The following UNK variants were observed in gnomAD, a reference collection of about 807,000 sequenced individuals.
UNK encodes RING finger protein unkempt homolog.
UNK carries 32 observed loss-of-function variants against 97.6 expected under a neutral mutation model. That is an observed-to-expected ratio of 0.33 (90% CI 0.25 to 0.44). UNK has a LOEUF of 0.44. Among genes scored for constraint, UNK ranks in the 20% least tolerant of loss-of-function variants. The probability of loss-of-function intolerance (pLI) is 1.00; values close to 1 mark genes in which losing one functional copy is unlikely to be tolerated. For synonymous variants in UNK, 441 were observed against 461.2 expected (o/e 0.96, Z 0.56); for missense variants, 771 against 1,098.4 (o/e 0.70, Z 4.21).
Position 75,816,859 on chromosome 17 carries a change from G to T in UNK, c.1051G>T (p.Gly351Ter). ...TGTCCTGTACATGCCATCTGCCGCCGGAGACTCGGTGCCTGTGAGCCCCTC... is the reference window on the plus strand; with the variant it reads ...TGTCCTGTACATGCCATCTGCCGCCTGAGACTCGGTGCCTGTGAGCCCCTC... Reference protein sequence around the residue: ...GPVLYMPSAAGDSVPVSPSSP... With the variant: ...GPVLYMPSAA Residue 351 changes from glycine (G) to a stop codon, truncating the protein, a stop_gained, in exon 8 of 16, where the codon GGA becomes TGA. Coordinates refer to ENST00000589666, the MANE Select transcript of UNK (RefSeq NM_001080419.3). LOFTEE classifies it high-confidence loss of function. The surrounding 1 kb of genome is among the most constrained non-coding windows in gnomAD (Gnocchi z 4.0). 1 of 1,607,254 alleles carries T rather than the reference G, an allele frequency of 6.2e-7. No homozygotes were observed.
chr17:75,786,577 C>T (rs530820729), intron 1 of UNK, among the ~76,000 whole-genome samples: 3 of 152,282 alleles, frequency 2.0e-5, no homozygotes, highest in Admixed American at 6.5e-5. Context: ...GTCTTTCCTG[C>T]CGGGCGTGGT....
chr17:75,813,307 G>A (rs1032655804), intron 5 of UNK, 94 bp downstream of exon 5: 8 of 1,461,436 alleles, frequency 5.5e-6, no homozygotes, highest in African/African-American at 1.4e-5. Context: ...GGGAGGAGGG[G>A]AGGCTGGTCC....
Position 75,808,246 on chromosome 17 carries a change from C to T in UNK, c.105-1514C>T, listed in dbSNP as rs1037431150. ...ACCTTTGTGTAGCAGGAGGGCACAG[C>T]TTTTTGTCTAACCAGACAGTAAAGG... On this transcript the variant is annotated intron_variant, in intron 1 of 15. Transcript: ENST00000589666. Among the ~76,000 whole-genome samples, 4 of 152,168 alleles carry T rather than the reference C, an allele frequency of 2.6e-5. No homozygotes were observed. The East Asian group carries it at 5.8e-4, about 22-fold the overall frequency.
Position 75,824,504 on chromosome 17 carries a change from G to GTA in UNK, c.*88_*89insAT. The GTA allele has an allele frequency of 2.3e-6, 2 of 867,362 alleles. No individual in the cohort carries two copies. Among genetic ancestry groups the GTA allele is most frequent in the Non-Finnish European group, 3.0e-6 (2 of 675,632 alleles). The allele number at this position is 867,362 out of a possible 1,614,324, so 53.7% of individuals were successfully genotyped here. On this transcript the variant is annotated 3_prime_UTR_variant, in exon 16 of 16. Transcript: ENST00000589666. This position sits in a 1 kb window ranked among gnomAD's most constrained non-coding sequence, Gnocchi z 4.9. ...TATATATATGAATATATATATATAT[G>GTA]TGTATGTATGTATGTATATGTATAT...
At chr17:75,793,361 ATAT>A in intron 1 of UNK, 3 of 941,056 alleles carry the variant, frequency 3.2e-6, no homozygotes, top group Non-Finnish European at 3.8e-6. Flanking sequence ...TGGCTATACT[ATAT>A]TAGTTCAAGT....
Position 75,812,150 on chromosome 17 carries a change from G to A in UNK, c.353G>A (p.Arg118His), listed in dbSNP as rs770763380. Residue 118 changes from arginine to histidine, a missense_variant, in exon 3 of 16, where the codon CGC (arginine) becomes CAC (histidine). By Grantham distance (29) the Arg-to-His change is conservative (BLOSUM62 0). Coordinates refer to ENST00000589666, the MANE Select transcript of UNK (RefSeq NM_001080419.3). ...FLHRTTGDTE[R>H]RYHLRYYKTG... ...CACAGAACCACAGGGGACACTGAGC[G>A]CAGGTACCACCTTCGTTACTACAAA... 1.9e-6 allele frequency: 3 copies of A among 1,613,390 alleles called. No individual in the cohort carries two copies. In the South Asian group the frequency reaches 3.3e-5, roughly 18 times the overall value.
chr17:75,785,112 A>C, intron 1 of UNK, 128 bp downstream of exon 1: 1 of 587,764 alleles, frequency 1.7e-6, no homozygotes, highest in Non-Finnish European at 2.9e-6. Context: ...CCCGGCCCAG[A>C]CCGGTTCCAA....
chr17:75,803,814 A>G (rs538363633), intron 1 of UNK, among the ~76,000 whole-genome samples: 1 of 152,330 alleles, frequency 6.6e-6, no homozygotes, highest in South Asian at 2.1e-4. Context: ...CAGGGCTGAG[A>G]TTGAAAATTT....
intron 1 of UNK, among the ~76,000 whole-genome samples, chr17:75,786,646 GGAGTGAAGAGACCA>G: frequency 6.6e-6 from 1 of 152,256 alleles, no homozygotes; most frequent in Admixed American, 6.5e-5. Context: ...CATGAGGTCA[GGAGTGAAGAGACCA>G]GCCTGCCCAA....
chr17:75,794,244 A>G, intron 1 of UNK: 1 of 887,282 alleles, frequency 1.1e-6, no homozygotes, highest in Non-Finnish European at 1.3e-6. Context: ...TATTGTAGTT[A>G]TGGCCTGTCC....
At chr17:75,788,133 G>A (rs12600868) in intron 1 of UNK, among the ~76,000 whole-genome samples, 76,139 of 151,856 alleles carry the variant, frequency 0.5, 23,221 homozygotes, top group Admixed American at 0.65. Flanking sequence ...TTTGAATACA[G>A]AGATAGACCC....
chr17:75,813,109 G>A lies in UNK; in HGVS notation c.654G>A (p.Thr218=). The A allele has an allele frequency of 6.3e-7, 1 of 1,587,310 alleles. No individual in the cohort carries two copies. Among genetic ancestry groups the A allele is most frequent in the South Asian group, 1.1e-5 (1 of 87,126 alleles). Residue 218 remains threonine, a synonymous_variant, in exon 5 of 16, where the codon ACG becomes ACA. Transcript: ENST00000589666. ...CTTATGTGCTGGGGAACTATAAGAC[G>A]GAGCCTTGCAAGAAGCCCCCGCGGC... is the stretch of plus-strand genomic sequence containing the variant. ...ETAYVLGNYK[T]EPCKKPPRLC...
intron 13 of UNK, among the ~76,000 whole-genome samples, chr17:75,820,838 A>G (rs1319745840): frequency 6.6e-6 from 1 of 152,006 alleles, no homozygotes; most frequent in East Asian, 1.9e-4. Context: ...CCTCCCCGAG[A>G]GTGCCAGCAT....
At chr17:75,812,363 G>A (rs1451057972) in intron 3 of UNK, 75 bp downstream of exon 3, 1 of 1,580,164 alleles carries the variant, frequency 6.3e-7, no homozygotes, top group Non-Finnish European at 8.6e-7. Flanking sequence ...TAATGATGGT[G>A]AGTACCTCAG....
At position 75,817,651 on chromosome 17, in the gene UNK, C is replaced by A; in HGVS notation, c.1305+125C>A. The A allele has an allele frequency of 4.7e-6, 5 of 1,071,134 alleles. No individual in the cohort carries two copies. The highest frequency in any genetic ancestry group is 6.7e-6 in the Non-Finnish European group (5 of 751,502). The allele number at this position is 1,071,134 out of a possible 1,614,324, so 66.4% of individuals were successfully genotyped here. On this transcript the variant is annotated intron_variant, in intron 9 of 15. Transcript: ENST00000589666. This position sits in a 1 kb window ranked among gnomAD's most constrained non-coding sequence, Gnocchi z 5.8. Reference sequence around the variant, plus strand: ...GGAGCTAGGACTCCACTGTCCTCGGCCTCTTCAGGACTGAACAGAGGGAGC... The same window carrying A: ...GGAGCTAGGACTCCACTGTCCTCGGACTCTTCAGGACTGAACAGAGGGAGC...
chr17:75,818,077 T>C lies in UNK; in HGVS notation c.1306-26T>C. On this transcript the variant is annotated intron_variant, in intron 9 of 15. Coordinates refer to ENST00000589666, the MANE Select transcript of UNK (RefSeq NM_001080419.3). This position sits in a 1 kb window ranked among gnomAD's most constrained non-coding sequence, Gnocchi z 5.1. ...CAGGGACCCCCCAGCACCACATTCA[T>C]CCACTCCCTGAATTTTCTCTCTCAG... 6.2e-7 allele frequency: 1 copy of C among 1,611,794 alleles called. No individual in the cohort carries two copies. Among genetic ancestry groups the C allele is most frequent in the Admixed American group, 1.7e-5 (1 of 59,964 alleles).
At position 75,817,563 on chromosome 17, in the gene UNK, C is replaced by T. The variant is rs773802715; in HGVS notation, c.1305+37C>T. The T allele has an allele frequency of 3.2e-6, 5 of 1,551,544 alleles. No homozygotes were observed. Among genetic ancestry groups the T allele is most frequent in the Non-Finnish European group, 3.5e-6 (4 of 1,144,988 alleles). On this transcript the variant is annotated intron_variant, in intron 9 of 15. Coordinates refer to ENST00000589666, the MANE Select transcript of UNK (RefSeq NM_001080419.3). The surrounding 1 kb of genome is among the most constrained non-coding windows in gnomAD (Gnocchi z 5.8). ...GGGAGGCAGCAGTGAGGTTAGCCTT[C>T]TCCTGCGTGGGGCAAGAGAATCTTG...
rs775707068 is a variant in UNK, at chr17:75,820,066, G to A, written c.1795G>A (p.Glu599Lys). 1.2e-6 allele frequency: 2 copies of A among 1,613,676 alleles called. No homozygotes were observed. Among genetic ancestry groups the A allele is most frequent in the South Asian group, 2.2e-5 (2 of 91,078 alleles). Reference sequence around the variant, plus strand: ...GCCCCAGGGCCACCTGAGTCAGTCGGAAAACACATTTTTGGGAACCTCAGC... The same window carrying A: ...GCCCCAGGGCCACCTGAGTCAGTCGAAAAACACATTTTTGGGAACCTCAGC... ...QQPQGHLSQSENTFLGTSASH... is the reference protein window; with the variant it reads ...QQPQGHLSQSKNTFLGTSASH... The change falls in exon 13 of 16, where the codon GAA becomes AAA. Residue 599 changes from glutamate to lysine, a missense_variant. Around this residue, in one of 5 missense-constraint regions of UNK, gnomAD observed 91 missense variants for 173.1 expected, o/e 0.53. Coordinates refer to ENST00000589666, the MANE Select transcript of UNK (RefSeq NM_001080419.3).
chr17:75,813,697 C>A, intron 5 of UNK, 64 bp from the exon 6 acceptor site: 1 of 1,413,232 alleles, frequency 7.1e-7, no homozygotes. Context: ...GTCCAGGTGG[C>A]ACCTGCTAGG....
Sources: allele counts gnomAD v4.1 joint callset (sites outside exome capture counted in the v4.1 genomes callset), GRCh38; gene constraint gnomAD v4.1.1; regional missense constraint gnomAD v4.1.1; non-coding constraint Gnocchi (gnomAD v3.1); transcripts MANE v1.5; gene names NCBI Gene and HGNC (gene_info 2026-07-23, HGNC 2026-07-21).